TPD52: variants seen among roughly 807,000 people sequenced by gnomAD.
TPD52 encodes the protein prostate and colon associated protein.
Under a neutral mutation model 31.3 loss-of-function variants are expected in TPD52, and 17 were observed. The observed-to-expected ratio is 0.54, with a 90% CI of 0.37 to 0.82. The LOEUF is 0.82. TPD52 is among the 40% of genes least tolerant of loss of function. The pLI, the probability that TPD52 is intolerant of heterozygous loss-of-function variation, is 0.00. For synonymous variants in TPD52, 83 were observed against 89.6 expected, an observed-to-expected ratio of 0.93 and a Z score of 0.42; for missense variants, 212 against 240.1, an observed-to-expected ratio of 0.88 and a Z score of 0.77.
intron 1 of TPD52, among the ~76,000 whole-genome samples, chr8:80,132,379 T>A (rs1001596819): frequency 6.6e-6 from 1 of 152,106 alleles, no homozygotes; most frequent in African/African-American, 2.4e-5. Context: ...CTAATTTTTT[T>A]AATTTTTTGG....
chr8:80,136,297 G>C (rs1809408026), intron 1 of TPD52, among the ~76,000 whole-genome samples: 2 of 151,250 alleles, frequency 1.3e-5, no homozygotes, highest in Non-Finnish European at 2.9e-5. Context: ...AGCCGAGACG[G>C]GTGGATCATA....
At chr8:80,136,251 G>A (rs539662362) in intron 1 of TPD52, among the ~76,000 whole-genome samples, 48 of 142,484 alleles carry the variant, frequency 3.4e-4, no homozygotes, top group African/African-American at 1.1e-3. Context: ...ATGGCCGGGC[G>A]CGGTGGCTCA....
chr8:80,073,875 C>T (rs1260778050), intron 1 of TPD52, among the ~76,000 whole-genome samples: 1 of 152,124 alleles, frequency 6.6e-6, no homozygotes, highest in Non-Finnish European at 1.5e-5. Flanking sequence ...GGGCAGGTCA[C>T]CTACCTTCAT....
At chr8:80,155,007 T>TG (rs200430082) in intron 1 of TPD52, among the ~76,000 whole-genome samples, 3,475 of 151,144 alleles carry the variant, frequency 0.023, 141 homozygotes, top group African/African-American at 0.08. Context: ...TTTTGTTTTT[T>TG]TTTTTTTTGA....
chr8:80,055,313 T>A (rs1385963470), intron 2 of TPD52, among the ~76,000 whole-genome samples: 1 of 152,212 alleles, frequency 6.6e-6, no homozygotes, highest in African/African-American at 2.4e-5. Context: ...CAGCACATCA[T>A]GGCTGCGATT....
chr8:80,089,152 CT>C (rs1275251330), intron 1 of TPD52, among the ~76,000 whole-genome samples: 7 of 152,178 alleles, frequency 4.6e-5, no homozygotes, highest in African/African-American at 1.7e-4. Context: ...CCCAAACCAA[CT>C]AATACAAAAG....
chr8:80,053,464 A>G (rs1374780271), intron 2 of TPD52, 34 bp from the exon 3 acceptor site: 1 of 1,598,924 alleles, frequency 6.3e-7, no homozygotes, highest in Non-Finnish European at 8.5e-7. Flanking sequence ...AGAATATAGC[A>G]AAAGTCATTC....
chr8:80,087,902 AG>A (rs1815943894), intron 1 of TPD52, among the ~76,000 whole-genome samples: 1 of 152,248 alleles, frequency 6.6e-6, no homozygotes, highest in Non-Finnish European at 1.5e-5. Flanking sequence ...CCAAATAAAA[AG>A]TACTTGATTT....
chr8:80,089,036 T>G (rs1816047191), intron 1 of TPD52, among the ~76,000 whole-genome samples: 1 of 152,156 alleles, frequency 6.6e-6, no homozygotes, highest in African/African-American at 2.4e-5. Flanking sequence ...CAGAAACCTA[T>G]CTACCCTGCC....
intron 7 of TPD52, among the ~76,000 whole-genome samples, chr8:80,040,713 G>A (rs918816033): frequency 6.6e-6 from 1 of 152,182 alleles, no homozygotes; most frequent in Non-Finnish European, 1.5e-5. Context: ...TTCAAGGAAA[G>A]GCTATAACAG....
intron 1 of TPD52, among the ~76,000 whole-genome samples, chr8:80,163,553 G>A (rs1419798334): frequency 6.6e-6 from 1 of 152,078 alleles, no homozygotes; most frequent in Non-Finnish European, 1.5e-5. Flanking sequence ...TGTTGCACAA[G>A]GTACATACAG....
intron 1 of TPD52, among the ~76,000 whole-genome samples, chr8:80,139,423 AT>A (rs898051553): frequency 2.9e-5 from 4 of 138,824 alleles, no homozygotes; most frequent in Admixed American, 7.3e-5. Flanking sequence ...GAAAAAAAAA[AT>A]TTTTTCAGAG....
chr8:80,116,668 T>C (rs984404818), intron 1 of TPD52, among the ~76,000 whole-genome samples: 2 of 152,004 alleles, frequency 1.3e-5, no homozygotes, highest in Non-Finnish European at 2.9e-5. Flanking sequence ...ATTACCCTGC[T>C]ACCAAAATCG....
At chr8:80,153,171 C>CA (rs1398676097) in intron 1 of TPD52, among the ~76,000 whole-genome samples, 1 of 152,020 alleles carries the variant, frequency 6.6e-6, no homozygotes, top group Non-Finnish European at 1.5e-5. Context: ...ATAACTTATG[C>CA]AAAAAATGAT....
At position 80,171,416 on chromosome 8, in the gene TPD52, C is replaced by T. The variant is rs1302415349; in HGVS notation, c.19+9G>A. The T allele has an allele frequency of 1.9e-6, 3 of 1,596,518 alleles. No individual in the cohort carries two copies. The highest frequency in any genetic ancestry group is 2.5e-6 in the Non-Finnish European group (3 of 1,177,992). On this transcript the variant is annotated intron_variant, in intron 1 of 7. Coordinates refer to ENST00000518937, the MANE Select transcript of TPD52 (RefSeq NM_001025253.3). ...CCCGAGCCCAAGCCCGCTGGGTCCG[C>T]GCCCTCACCTTGCTCGCCGCGGTCC...
At chr8:80,091,094 T>A (rs1427664410) in intron 1 of TPD52, among the ~76,000 whole-genome samples, 1 of 152,200 alleles carries the variant, frequency 6.6e-6, no homozygotes, top group African/African-American at 2.4e-5. Context: ...GATAAGCCTG[T>A]ACCTGGGAAA....
At chr8:80,154,702 GACATACACAC>G (rs1479021504) in intron 1 of TPD52, among the ~76,000 whole-genome samples, 3 of 94,802 alleles carry the variant, frequency 3.2e-5, no homozygotes, top group East Asian at 3.8e-4. Context: ...TTTGAATCAT[GACATACACAC>G]ACACACACAC....
intron 3 of TPD52, among the ~76,000 whole-genome samples, chr8:80,052,440 T>C (rs531023678): frequency 6.6e-6 from 1 of 152,320 alleles, no homozygotes; most frequent in African/African-American, 2.4e-5. Flanking sequence ...TAAAAAAACA[T>C]GGTTCATGGT....
At chr8:80,080,068 A>G (rs1165867555) in intron 1 of TPD52, among the ~76,000 whole-genome samples, 1 of 152,212 alleles carries the variant, frequency 6.6e-6, no homozygotes, top group Non-Finnish European at 1.5e-5. Context: ...AATATCTATC[A>G]ATGGAGAAGT....
Sources: allele counts gnomAD v4.1 joint callset (sites outside exome capture counted in the v4.1 genomes callset), GRCh38; gene constraint gnomAD v4.1.1; transcripts MANE v1.5; gene names NCBI Gene and HGNC (gene_info 2026-07-23, HGNC 2026-07-21).